HSF2BP: variants seen among roughly 807,000 people sequenced by gnomAD.
The protein encoded by HSF2BP is heat shock transcription factor 2 binding protein, also known as heat shock factor 2-binding protein.
Under a neutral mutation model 35.0 loss-of-function variants are expected in HSF2BP, and 35 were observed. The ratio of observed to expected loss-of-function variants is 1.00; its 90% CI spans 0.76 to 1.32. The LOEUF is 1.32. HSF2BP is among the 40% of genes most tolerant of loss of function. The probability of loss-of-function intolerance (pLI) is 0.00; values close to 1 mark genes in which losing one functional copy is unlikely to be tolerated. For missense variants in HSF2BP, 326 were observed against 321.7 expected, an observed-to-expected ratio of 1.01 and a Z score of -0.10; for synonymous variants, 114 against 117.4, an observed-to-expected ratio of 0.97 and a Z score of 0.18.
At chr21:43,653,034 C>G (rs2082811474) in intron 3 of HSF2BP, among the ~76,000 whole-genome samples, 1 of 151,968 alleles carries the variant, frequency 6.6e-6, no homozygotes, top group Non-Finnish European at 1.5e-5. Context: ...ACTCGGGAGA[C>G]TGAGGCAAGA....
chr21:43,657,822 G>GCCCCCAC (rs1164184198), intron 2 of HSF2BP: 1 of 984,900 alleles, frequency 1.0e-6, no homozygotes, highest in Non-Finnish European at 1.2e-6. Flanking sequence ...GCCACTGAGT[G>GCCCCCAC]CCCCCACCAC....
At chr21:43,596,346 AGAAT>A (rs2081986895) in intron 7 of HSF2BP, among the ~76,000 whole-genome samples, 1 of 152,178 alleles carries the variant, frequency 6.6e-6, no homozygotes, top group Admixed American at 6.5e-5. Flanking sequence ...AAACTGAACA[AGAAT>A]GAATATACAA....
intron 8 of HSF2BP, among the ~76,000 whole-genome samples, chr21:43,588,423 C>G (rs937394017): frequency 6.6e-6 from 1 of 152,082 alleles, no homozygotes; most frequent in African/African-American, 2.4e-5. Flanking sequence ...AGCACTAAGG[C>G]TTCCACCCGA....
intron 2 of HSF2BP, among the ~76,000 whole-genome samples, chr21:43,657,267 GGAA>G (rs1321426566): frequency 6.6e-6 from 1 of 152,206 alleles, no homozygotes; most frequent in Non-Finnish European, 1.5e-5. Context: ...GGCTGACACG[GGAA>G]GAAGGCTTGA....
intron 6 of HSF2BP, among the ~76,000 whole-genome samples, chr21:43,616,053 AT>A (rs146904540): frequency 4.4e-4 from 33 of 74,588 alleles, no homozygotes; most frequent in African/African-American, 9.7e-4. Flanking sequence ...AAAAAAAAAA[AT>A]ATATATATAT....
chr21:43,614,240 G>T (rs984494958), intron 6 of HSF2BP, among the ~76,000 whole-genome samples: 1 of 151,812 alleles, frequency 6.6e-6, no homozygotes, highest in Non-Finnish European at 1.5e-5. Flanking sequence ...GTGTGCACCT[G>T]TAGTCCTAGC....
At chr21:43,619,691 G>A (rs766210945) in intron 6 of HSF2BP, among the ~76,000 whole-genome samples, 1 of 152,194 alleles carries the variant, frequency 6.6e-6, no homozygotes, top group Admixed American at 6.5e-5. Flanking sequence ...TAGGTTCCCT[G>A]GCAGAAGACC....
At chr21:43,642,184 T>TA (rs1347362687) in intron 4 of HSF2BP, among the ~76,000 whole-genome samples, 1 of 152,042 alleles carries the variant, frequency 6.6e-6, no homozygotes, top group Non-Finnish European at 1.5e-5. Context: ...ATTGTTCTTG[T>TA]AAAAAATAAA....
rs540627735 is a variant in HSF2BP, at chr21:43,598,182, T to TTTTTTTTG, written c.693-5862_693-5855dup. On this transcript the variant is annotated intron_variant, in intron 7 of 8. Coordinates refer to ENST00000291560, the MANE Select transcript of HSF2BP (RefSeq NM_007031.2). ...ACCCATGTGACCATAGGCACTTTCT[T>TTTTTTTTG]TTTTTTTGTTTTTTTGTTTTTTTGT... 1.6e-3 allele frequency among the ~76,000 whole-genome samples: 237 copies of TTTTTTTTG among 151,754 alleles called. 1 individual carries two copies. Among genetic ancestry groups the TTTTTTTTG allele is most frequent in the Middle Eastern group, 6.8e-3 (2 of 294 alleles).
chr21:43,637,299 A>G (rs1027637937), intron 4 of HSF2BP, among the ~76,000 whole-genome samples: 1 of 152,206 alleles, frequency 6.6e-6, no homozygotes, highest in Non-Finnish European at 1.5e-5. Context: ...CAGACACAGA[A>G]GACTACATAT....
At chr21:43,582,045 T>C (rs375711334) in intron 8 of HSF2BP, among the ~76,000 whole-genome samples, 18 of 23,820 alleles carry the variant, frequency 7.6e-4, no homozygotes, top group Admixed American at 2.5e-3. Flanking sequence ...AGGGGCCCTG[T>C]TGTGGGGGAT....
In HSF2BP at chr21:43,611,104, G is replaced by A. The variant is rs76538791; in HGVS notation, c.692+2726C>T. On this transcript the variant is annotated intron_variant, in intron 7 of 8. Transcript: ENST00000291560. ...ATTTTTAAAATTTAACAATTAGCCA[G>A]GCATGGTGGCATGCACTGACGGTCC... 2.5e-3 allele frequency among the ~76,000 whole-genome samples: 384 copies of A among 152,204 alleles called. 2 individuals are homozygous for A. The East Asian group carries it at 0.041, about 16-fold the overall frequency.
rs569696188 is a variant in HSF2BP at position 43,597,377 on chromosome 21, G to A, written c.693-5049C>T. ...AAATAAACACTGAACTAGCACAGCC[G>A]GCTAGGATGAGGAGAGTAAGCCACT... On this transcript the variant is annotated intron_variant, in intron 7 of 8. Coordinates refer to ENST00000291560, the MANE Select transcript of HSF2BP (RefSeq NM_007031.2). This position sits in a 1 kb window ranked among gnomAD's most constrained non-coding sequence, Gnocchi z 4.3. 5.3e-5 allele frequency among the ~76,000 whole-genome samples: 8 copies of A among 152,288 alleles called. No homozygotes were observed. In the South Asian group the frequency reaches 6.2e-4, roughly 12 times the overall value.
intron 8 of HSF2BP, among the ~76,000 whole-genome samples, chr21:43,580,688 A>G (rs1336642395): frequency 6.6e-6 from 1 of 152,240 alleles, no homozygotes; most frequent in Non-Finnish European, 1.5e-5. Flanking sequence ...CACTGGGCTA[A>G]CGCAAAACTA....
chr21:43,644,376 C>T lies in HSF2BP; in HGVS notation c.204G>A (p.Glu68=). 1 of 1,613,938 alleles carries T rather than the reference C, an allele frequency of 6.2e-7. No individual in the cohort carries two copies. The highest frequency in any genetic ancestry group is 8.5e-7 in the Non-Finnish European group (1 of 1,179,774). The part of the protein sequence containing the change: ...KIVEKNLERK[E]QELEQLKMDC... ...CCATTTTCAGCTGCTCTAATTCTTG[C>T]TCTTTCCTTTCCAGGTCTAGGAGAA... Residue 68 remains glutamate (E), a synonymous_variant, in exon 4 of 9, where the codon GAG becomes GAA. Coordinates refer to ENST00000291560, the MANE Select transcript of HSF2BP (RefSeq NM_007031.2).
chr21:43,658,077 G>C lies in HSF2BP; in HGVS notation c.20C>G (p.Ala7Gly). 3 of 1,535,498 alleles carry C rather than the reference G, an allele frequency of 2.0e-6. No homozygotes were observed. Among genetic ancestry groups the C allele is most frequent in the Non-Finnish European group, 2.6e-6 (3 of 1,146,070 alleles). MGEAGA[A>G]EEACRHMGTK... Reference sequence around the variant, plus strand: ...CTCACTAACCCGGCAGGCCTCCTCAGCGGCGCCCGCTTCGCCCATGGCCGC... The same window carrying C: ...CTCACTAACCCGGCAGGCCTCCTCACCGGCGCCCGCTTCGCCCATGGCCGC... The change falls in exon 2 of 9, where the codon GCT (alanine) becomes GGT (glycine). Residue 7 changes from alanine (A) to glycine (G), a missense_variant. By Grantham distance (60) the Ala-to-Gly change is moderately conservative (BLOSUM62 0). Coordinates refer to ENST00000291560, the MANE Select transcript of HSF2BP (RefSeq NM_007031.2).
chr21:43,619,862 C>G (rs1407318284), intron 6 of HSF2BP, among the ~76,000 whole-genome samples: 1 of 152,222 alleles, frequency 6.6e-6, no homozygotes. Context: ...AGCGGCTGTT[C>G]AGCAGATGCA....
intron 8 of HSF2BP, among the ~76,000 whole-genome samples, chr21:43,576,677 C>T (rs750685641): frequency 3.9e-5 from 6 of 152,190 alleles, no homozygotes; most frequent in Non-Finnish European, 8.8e-5. Flanking sequence ...TACAAATACG[C>T]TGCAAAATCT....
intron 6 of HSF2BP, among the ~76,000 whole-genome samples, chr21:43,619,878 T>C (rs2082312129): frequency 6.6e-6 from 1 of 152,192 alleles, no homozygotes; most frequent in Non-Finnish European, 1.5e-5. Context: ...ATGCACACAG[T>C]AGAAGGTATG....
Sources: allele counts gnomAD v4.1 joint callset (sites outside exome capture counted in the v4.1 genomes callset), GRCh38; gene constraint gnomAD v4.1.1; non-coding constraint Gnocchi (gnomAD v3.1); transcripts MANE v1.5; gene names NCBI Gene and HGNC (gene_info 2026-07-23, HGNC 2026-07-21).